The following LZTR1 variants were observed in gnomAD, a reference collection of about 807,000 sequenced individuals.
LZTR1 encodes leucine zipper like post translational regulator 1.
Under a neutral mutation model 105.7 loss-of-function variants are expected in LZTR1, and 260 were observed. That is an observed-to-expected ratio of 2.46 (90% CI 2.22 to 2.72). LZTR1 has a LOEUF of 2.72. LZTR1 is among the 30% of genes most tolerant of loss of function. The probability of loss-of-function intolerance (pLI) is 0.00; values close to 1 mark genes in which losing one functional copy is unlikely to be tolerated. For missense variants in LZTR1, 1,214 were observed against 1,166.9 expected (o/e 1.04, Z -0.59); for synonymous variants, 490 against 476.4 (o/e 1.03, Z -0.37).
chr22:20,987,979 G>A (rs1924456594), intron 4 of LZTR1, 31 bp from the exon 5 acceptor site: 3 of 1,337,688 alleles, frequency 2.2e-6, no homozygotes, highest in East Asian at 2.3e-5. Flanking sequence ...CTGCCCTTTG[G>A]GTTTGACAGT....
intron 6 of LZTR1, 48 bp from the exon 7 acceptor site, chr22:20,989,577 C>A (rs765280858): frequency 1.3e-6 from 2 of 1,512,738 alleles, no homozygotes; most frequent in Non-Finnish European, 1.8e-6. Context: ...ACTAGGCCCA[C>A]CCTGACCACC....
chr22:20,985,094 T>A (rs1305691987), intron 2 of LZTR1, among the ~76,000 whole-genome samples: 1 of 140,758 alleles, frequency 7.1e-6, no homozygotes, highest in Admixed American at 7.5e-5. Context: ...GGAGTCTTGC[T>A]CTGTCACCCA....
At position 20,992,286 on chromosome 22, in the gene LZTR1, G is replaced by A. The variant is rs917455578; in HGVS notation, c.1066G>A (p.Val356Ile). 4 of 1,613,902 alleles carry A rather than the reference G, an allele frequency of 2.5e-6. No individual in the cohort carries two copies. The African/African-American group carries it at 5.3e-5, about 22-fold the overall frequency. Residue 356 changes from valine (V) to isoleucine (I), a missense_variant, in exon 10 of 21, where the codon GTT (valine) becomes ATT (isoleucine). By Grantham distance (29) the Val-to-Ile change is conservative. Coordinates refer to ENST00000646124, the MANE Select transcript of LZTR1 (RefSeq NM_006767.4). ...EVPTLTYEER[V>I]GFKKSRDVFG... ...GCCCACCCTGACCTATGAGGAGCGG[G>A]TTGGCTTCAAGAAGTCCCGAGATGT... is the stretch of plus-strand genomic sequence containing the variant.
rs948247858 is a variant in LZTR1 at position 20,986,091 on chromosome 22, C to T, written c.320+194C>T. 7.4e-5 allele frequency: 45 copies of T among 611,990 alleles called. 1 individual carries two copies. The highest frequency in any genetic ancestry group is 1.7e-4 in the Admixed American group (6 of 34,510). 37.9% of individuals were successfully genotyped at this position (611,990 alleles called of 1,614,324 possible). A position where few individuals can be genotyped will look rare whatever the true frequency, so the allele number is the denominator to read the frequency against. ...GGCTGAGGAGATCAAGTAACCACCC[C>T]GCACCTGCAGCTGCCAAGCTGGGCA... On this transcript the variant is annotated intron_variant, in intron 3 of 20. Coordinates refer to ENST00000646124, the MANE Select transcript of LZTR1 (RefSeq NM_006767.4).
chr22:20,995,713 G>C lies in LZTR1; in HGVS notation c.1943-33G>C, dbSNP rs1325942873. 1.1e-5 allele frequency: 17 copies of C among 1,612,282 alleles called. No homozygotes were observed. In the South Asian group the frequency reaches 1.8e-4, roughly 17 times the overall value. On this transcript the variant is annotated intron_variant, in intron 16 of 20. Transcript: ENST00000646124. ...TGGGGCCCCAAGGCCAGAATCCCAGGCTGTACCTGCTCAGGGACCCTCCTA... is the reference window on the plus strand; with the variant it reads ...TGGGGCCCCAAGGCCAGAATCCCAGCCTGTACCTGCTCAGGGACCCTCCTA...
At chr22:20,991,523 G>GT (rs1924604059) in intron 8 of LZTR1, 105 bp from the exon 9 acceptor site, 3 of 902,908 alleles carry the variant, frequency 3.3e-6, no homozygotes, top group Admixed American at 2.3e-5. Context: ...GCTAGTCACC[G>GT]TAAGGGATGC....
At position 20,994,429 on chromosome 22, in the gene LZTR1, T is replaced by C. The variant is rs1924738055; in HGVS notation, c.1616-129T>C. ...CCATGATCACTGCAGCTGGACGCCA[T>C]CTGAGTCCCCCGAGGCCTTGTTCCT... On this transcript the variant is annotated intron_variant, in intron 14 of 20. Transcript: ENST00000646124. The C allele has an allele frequency of 3.2e-6, 4 of 1,258,154 alleles. No individual in the cohort carries two copies. The South Asian group carries it at 4.1e-5, about 13-fold the overall frequency. The allele number at this position is 1,258,154 out of a possible 1,614,324, so 77.9% of individuals were successfully genotyped here.
chr22:20,991,628 G>C lies in LZTR1; in HGVS notation c.792G>C (p.Thr264=), dbSNP rs1310529041. Reference sequence around the variant, plus strand: ...TTGATTCACTGTTGTGTACCCCCAGGTGGACACGCATCCCAACTGAACACC... The same window carrying C: ...TTGATTCACTGTTGTGTACCCCCAGCTGGACACGCATCCCAACTGAACACC... The part of the protein sequence containing the change: ...NLFQFEFKDK[T]WTRIPTEHLL... Residue 264 remains threonine (T), a splice_region_variant and synonymous_variant, in exon 9 of 21, where the codon ACG becomes ACC. Coordinates refer to ENST00000646124, the MANE Select transcript of LZTR1 (RefSeq NM_006767.4). 1 of 1,584,862 alleles carries C rather than the reference G, an allele frequency of 6.3e-7. No homozygotes were observed. Among genetic ancestry groups the C allele is most frequent in the South Asian group, 1.1e-5 (1 of 88,450 alleles).
chr22:20,988,957 T>C (rs1924501605), intron 6 of LZTR1, 85 bp downstream of exon 6: 1 of 1,253,564 alleles, frequency 8.0e-7, no homozygotes. Context: ...GGGCTTAGGC[T>C]GGGAGGATTT....
chr22:20,994,304 G>A (rs759019506), intron 14 of LZTR1, 35 bp downstream of exon 14: 4 of 1,587,560 alleles, frequency 2.5e-6, no homozygotes, highest in African/African-American at 1.3e-5. Flanking sequence ...GGGTTGGTGT[G>A]GGCTGGGGTG....
Position 20,996,713 on chromosome 22 carries a change from CCTA to C in LZTR1, c.2245_2247del (p.Tyr749del), listed in dbSNP as rs775265747. 3.7e-6 allele frequency: 6 copies of C among 1,613,654 alleles called. No individual in the cohort carries two copies. Among genetic ancestry groups the C allele is most frequent in the Non-Finnish European group, 4.2e-6 (5 of 1,179,968 alleles). On this transcript the variant is annotated inframe_deletion, in exon 19 of 21. Transcript: ENST00000646124. ...GGCCCCAGCTACTTGTTTGCGGCCCCCTACTACTACGGCTTCTACAACAACCGG... is the reference window on the plus strand; with the variant it reads ...GGCCCCAGCTACTTGTTTGCGGCCCCCTACTACGGCTTCTACAACAACCGG...
rs1337017523 is a variant in LZTR1, at chr22:20,993,715, G to C, written c.1314G>C (p.Glu438Asp). ...TLHEDYGRLW[E>D]SRQFCDVEFV... ...ACGAGGACTACGGGCGGCTGTGGGA[G>C]AGCCGCCAGTTCTGCGACGTGGAGT... is the stretch of plus-strand genomic sequence containing the variant. Residue 438 changes from glutamate to aspartate, a missense_variant, in exon 12 of 21, where the codon GAG (glutamate) becomes GAC (aspartate). Transcript: ENST00000646124. 1.2e-6 allele frequency: 2 copies of C among 1,613,508 alleles called. No individual in the cohort carries two copies. The highest frequency in any genetic ancestry group is 1.7e-6 in the Non-Finnish European group (2 of 1,179,942).
chr22:20,997,140 C>T (rs757027925), intron 20 of LZTR1, 92 bp from the exon 21 acceptor site: 1 of 1,139,652 alleles, frequency 8.8e-7, no homozygotes, highest in Middle Eastern at 1.9e-4. Flanking sequence ...CAGCCTGAGC[C>T]CTGAGCAGGG....
chr22:20,983,009 C>T lies in LZTR1; in HGVS notation c.201-18C>T. On this transcript the variant is annotated intron_variant, in intron 1 of 20. Transcript: ENST00000646124. Reference sequence around the variant, plus strand: ...AGGAGGGTCCTGTCCTTACCGCCCTCCACTCCTTTCTTTCCAGGCGCAGCA... The same window carrying T: ...AGGAGGGTCCTGTCCTTACCGCCCTTCACTCCTTTCTTTCCAGGCGCAGCA... 1 of 1,613,250 alleles carries T rather than the reference C, an allele frequency of 6.2e-7. No individual in the cohort carries two copies. Among genetic ancestry groups the T allele is most frequent in the Non-Finnish European group, 8.5e-7 (1 of 1,179,232 alleles).
intron 14 of LZTR1, 24 bp from the exon 15 acceptor site, chr22:20,994,534 A>C (rs1459900648): frequency 1.9e-6 from 3 of 1,602,446 alleles, no homozygotes; most frequent in African/African-American, 2.7e-5. Flanking sequence ...CGGCTCCCTG[A>C]GATTCGGGGG....
At chr22:20,995,386 C>G (rs1349709823) in intron 16 of LZTR1, 4 of 612,528 alleles carry the variant, frequency 6.5e-6, no homozygotes, top group Admixed American at 6.4e-5. Context: ...ATTCCCCCAG[C>G]TCTCCCTGGG....
At chr22:20,994,424 C>T (rs552227846) in intron 14 of LZTR1, 134 bp from the exon 15 acceptor site, 129 of 1,246,028 alleles carry the variant, frequency 1.0e-4, no homozygotes, top group African/African-American at 8.7e-4. Context: ...TGCAGCTGGA[C>T]GCCATCTGAG....
chr22:20,990,001 A>C lies in LZTR1; in HGVS notation c.651+319A>C, dbSNP rs187485227. ...TGAGGATGTGGTTTTGCTTTAACGC[A>C]CCCTTTATTTCAGTGCAGTGAGGGC... On this transcript the variant is annotated intron_variant, in intron 7 of 20. Coordinates refer to ENST00000646124, the MANE Select transcript of LZTR1 (RefSeq NM_006767.4). 2.0e-5 allele frequency among the ~76,000 whole-genome samples: 3 copies of C among 151,878 alleles called. No individual in the cohort carries two copies. In the East Asian group the frequency reaches 5.8e-4, roughly 29 times the overall value.
Position 20,988,074 on chromosome 22 carries a change from C to G in LZTR1, c.465C>G (p.Tyr155Ter), listed in dbSNP as rs753295968. Reference sequence around the variant, plus strand: ...AGAATAAAAACGACCTCTTTGAATACAAGTTTGCAACTGGCCAGTGGACGG... The same window carrying G: ...AGAATAAAAACGACCTCTTTGAATAGAAGTTTGCAACTGGCCAGTGGACGG... ...NLKNKNDLFE[Y>*]KFATGQWTEW... is the part of the protein sequence containing the mutation. The change falls in exon 5 of 21, where the codon TAC becomes TAG. Residue 155 changes from tyrosine to a stop codon, truncating the protein, a stop_gained. Transcript: ENST00000646124. LOFTEE classifies it high-confidence loss of function. The G allele has an allele frequency of 1.1e-5, 17 of 1,613,426 alleles. No individual in the cohort carries two copies. In the East Asian group the frequency reaches 1.1e-4, roughly 11 times the overall value.
Sources: gnomAD v4.1 joint callset for allele counts (sites outside exome capture counted in the v4.1 genomes callset) on GRCh38, gnomAD v4.1.1 for gene constraint, MANE v1.5 for transcripts, NCBI Gene and HGNC (gene_info 2026-07-23, HGNC 2026-07-21) for gene names.